MTMR9: variants seen among roughly 807,000 people sequenced by gnomAD.
MTMR9 encodes myotubularin related protein 9.
MTMR9 carries 39 observed loss-of-function variants against 69.5 expected under a neutral mutation model. The ratio of observed to expected loss-of-function variants is 0.56; its 90% CI spans 0.43 to 0.73. The LOEUF (loss-of-function observed/expected upper bound fraction) is 0.73, where lower values mean the gene tolerates loss of function less well. Among genes scored for constraint, MTMR9 ranks in the 30% least tolerant of loss-of-function variants. The pLI is 0.00. For synonymous variants in MTMR9, 354 were observed against 240.8 expected, an observed-to-expected ratio of 1.47 and a Z score of -4.35; for missense variants, 900 against 671.2, an observed-to-expected ratio of 1.34 and a Z score of -3.77.
chr8:11,312,490 G>A (rs908019491), intron 6 of MTMR9, among the ~76,000 whole-genome samples: 2 of 152,180 alleles, frequency 1.3e-5, no homozygotes, highest in Non-Finnish European at 2.9e-5. Context: ...GGGGTTACAG[G>A]CATGAGTCAC....
chr8:11,339,001 A>G, the MTMR9 span, among the ~76,000 whole-genome samples: 4 of 152,220 alleles, frequency 2.6e-5, no homozygotes, highest in Admixed American at 2.0e-4. Context: ...CTGCTTTTAG[A>G]GTAGGGTCAT....
Position 11,326,040 on chromosome 8 carries a change from G to A in MTMR9, c.*3252G>A, listed in dbSNP as rs1323000719. The A allele has an allele frequency of 6.6e-6, 1 of 152,010 alleles. No individual in the cohort carries two copies. The highest frequency in any genetic ancestry group is 1.5e-5 in the Non-Finnish European group (1 of 68,014). The allele number at this position is 152,010 out of a possible 1,614,324, so 9.4% of individuals were successfully genotyped here. On this transcript the variant is annotated 3_prime_UTR_variant, in exon 10 of 10. Transcript: ENST00000221086. ...TGTTTTAAAGGATGAAATTTTGTGG[G>A]GTTTTAGTCTTTGATTCAGTCAGTA...
chr8:11,312,041 T>C (rs1303071518), intron 6 of MTMR9, among the ~76,000 whole-genome samples: 1 of 152,076 alleles, frequency 6.6e-6, no homozygotes, highest in Non-Finnish European at 1.5e-5. Flanking sequence ...ATCTTCAGGT[T>C]CCTAATTATT....
At chr8:11,306,454 T>C in intron 5 of MTMR9, 47 bp downstream of exon 5, 1 of 1,549,750 alleles carries the variant, frequency 6.5e-7, no homozygotes, top group Non-Finnish European at 8.9e-7. Flanking sequence ...AAGCTAATTA[T>C]AGTGGGTAAG....
chr8:11,301,846 G>A (rs779096966), intron 3 of MTMR9, among the ~76,000 whole-genome samples: 22 of 152,132 alleles, frequency 1.4e-4, no homozygotes, highest in Non-Finnish European at 2.8e-4. Flanking sequence ...ATATAGATCC[G>A]AAATAATTAC....
chr8:11,287,705 ATATATATTATAATATATAT>A (rs1799213931), intron 1 of MTMR9, among the ~76,000 whole-genome samples: 1 of 127,750 alleles, frequency 7.8e-6, no homozygotes, highest in South Asian at 2.2e-4. Flanking sequence ...ATTATATATT[ATATATATTATAATATATAT>A]TATATATTAT....
chr8:11,321,816 TG>T (rs1341197158), intron 9 of MTMR9, among the ~76,000 whole-genome samples: 3 of 152,210 alleles, frequency 2.0e-5, no homozygotes, highest in African/African-American at 7.2e-5. Flanking sequence ...AGCCTGATGT[TG>T]GGAGCTGCAT....
In MTMR9 at chr8:11,311,881, C is replaced by CTTT. The variant is rs35158873; in HGVS notation, c.971+2206_971+2208dup. Among the ~76,000 whole-genome samples, 12 of 144,892 alleles carry CTTT rather than the reference C, an allele frequency of 8.3e-5. 1 individual carries two copies. Among genetic ancestry groups the CTTT allele is most frequent in the African/African-American group, 2.8e-4 (11 of 39,280 alleles). On this transcript the variant is annotated intron_variant, in intron 6 of 9. Coordinates refer to ENST00000221086, the MANE Select transcript of MTMR9 (RefSeq NM_015458.4). ...CCTAAGTTGATGTGGTATTCTAAATCTTTTTTTTTTTTTTTGTCATTTCAA... is the reference window on the plus strand; with the variant it reads ...CCTAAGTTGATGTGGTATTCTAAATCTTTTTTTTTTTTTTTTTTGTCATTTCAA...
chr8:11,310,882 C>G lies in MTMR9; in HGVS notation c.971+1194C>G, dbSNP rs116031164. On this transcript the variant is annotated intron_variant, in intron 6 of 9. Transcript: ENST00000221086. ...ACATCCCTCAGTGCAGAATGCAGAACAGTTCTCATGATTTCCACCTTCATT... is the reference window on the plus strand; with the variant it reads ...ACATCCCTCAGTGCAGAATGCAGAAGAGTTCTCATGATTTCCACCTTCATT... Among the ~76,000 whole-genome samples, 498 of 152,232 alleles carry G rather than the reference C, an allele frequency of 3.3e-3. 3 individuals carry two copies. The highest frequency in any genetic ancestry group is 0.012 in the African/African-American group (479 of 41,506).
chr8:11,293,785 G>T (rs1053951831), intron 1 of MTMR9, among the ~76,000 whole-genome samples: 4 of 151,056 alleles, frequency 2.6e-5, no homozygotes, highest in Non-Finnish European at 5.9e-5. Flanking sequence ...AAGCTATCCA[G>T]TTGTGCCAGC....
Position 11,322,716 on chromosome 8 carries a change from A to C in MTMR9, c.1578A>C (p.Gln526His). 6.2e-7 allele frequency: 1 copy of C among 1,614,134 alleles called. No individual in the cohort carries two copies. Among genetic ancestry groups the C allele is most frequent in the Non-Finnish European group, 8.5e-7 (1 of 1,179,994 alleles). ...TCATTGAATATAATAAAGAATTACAAGCAAAAGTCAATATCCTTCGAAGGC... is the reference window on the plus strand; with the variant it reads ...TCATTGAATATAATAAAGAATTACACGCAAAAGTCAATATCCTTCGAAGGC... The part of the protein sequence containing the change: ...VNIIEYNKEL[Q>H]AKVNILRRQL... The change falls in exon 10 of 10, where the codon CAA (glutamine) becomes CAC (histidine). Residue 526 changes from glutamine (Q) to histidine (H), a missense_variant. By Grantham distance (24) the Gln-to-His change is conservative (BLOSUM62 0). Coordinates refer to ENST00000221086, the MANE Select transcript of MTMR9 (RefSeq NM_015458.4).
intron 5 of MTMR9, among the ~76,000 whole-genome samples, chr8:11,309,017 G>A (rs1310633014): frequency 6.6e-6 from 1 of 152,020 alleles, no homozygotes. Flanking sequence ...TCCCCATATC[G>A]ACCTATTTTC....
chr8:11,294,213 CCTTTTTTATT>C lies in MTMR9; in HGVS notation c.183-974_183-965del, dbSNP rs1323397909. ...AAGGTAGTTTTACTTCTTTTTTAAT[CCTTTTTTATT>C]CTTTTTACCTTACTGCACTAGTTAT... On this transcript the variant is annotated intron_variant, in intron 1 of 9. Transcript: ENST00000221086. Among the ~76,000 whole-genome samples, 10 of 152,066 alleles carry C rather than the reference CCTTTTTTATT, an allele frequency of 6.6e-5. 1 individual carries two copies. Among genetic ancestry groups the C allele is most frequent in the Non-Finnish European group, 1.5e-5 (1 of 68,010 alleles).
downstream of MTMR9, among the ~76,000 whole-genome samples, chr8:11,330,343 G>A (rs914235701): frequency 1.5e-4 from 22 of 151,672 alleles, no homozygotes; most frequent in African/African-American, 4.4e-4. Context: ...GGGAGGTGGG[G>A]GGCGCCTCTG....
intron 1 of MTMR9, among the ~76,000 whole-genome samples, chr8:11,289,464 A>G (rs1799303779): frequency 6.6e-6 from 1 of 152,082 alleles, no homozygotes; most frequent in Non-Finnish European, 1.5e-5. Context: ...AAGGTTGTAT[A>G]CAAGTTTTAC....
Position 11,308,462 on chromosome 8 carries a change from T to C in MTMR9, c.810-1065T>C, listed in dbSNP as rs368737879. The stretch of plus-strand genomic sequence containing the variant: ...CTTTGTAGCATATTTTAAAATCAGG[T>C]ACTGCGTGAGGCCATCAGGACCAGG... On this transcript the variant is annotated intron_variant, in intron 5 of 9. Transcript: ENST00000221086. 7.2e-5 allele frequency among the ~76,000 whole-genome samples: 11 copies of C among 152,260 alleles called. No homozygotes were observed. In the East Asian group the frequency reaches 9.6e-4, roughly 13 times the overall value.
downstream of MTMR9, among the ~76,000 whole-genome samples, chr8:11,330,406 G>A (rs1056554443): frequency 4.6e-5 from 7 of 152,188 alleles, no homozygotes; most frequent in East Asian, 3.9e-4. Flanking sequence ...CCACCACCCC[G>A]TCTGGGAGGT....
At chr8:11,288,363 A>T (rs1010084137) in intron 1 of MTMR9, among the ~76,000 whole-genome samples, 2 of 142,374 alleles carry the variant, frequency 1.4e-5, no homozygotes, top group African/African-American at 5.2e-5. Context: ...TATATAATAT[A>T]TATATAATGA....
chr8:11,297,814 C>T (rs1311979949), intron 2 of MTMR9: 1 of 454,534 alleles, frequency 2.2e-6, no homozygotes, highest in African/African-American at 2.0e-5. Context: ...GCTCATTTGA[C>T]CTCAGAAAAT....
Sources: allele counts gnomAD v4.1 joint callset (sites outside exome capture counted in the v4.1 genomes callset), GRCh38; gene constraint gnomAD v4.1.1; transcripts MANE v1.5; gene names NCBI Gene and HGNC (gene_info 2026-07-23, HGNC 2026-07-21).